CNTN6: variants seen among roughly 807,000 people sequenced by gnomAD.
CNTN6 encodes contactin 6, also known as contactin-6.
Under a neutral mutation model 122.8 loss-of-function variants are expected in CNTN6, and 137 were observed. The observed-to-expected ratio is 1.12, with a 90% CI of 0.97 to 1.29. CNTN6 has a LOEUF of 1.29. CNTN6 is among the 50% of genes most tolerant of loss of function. CNTN6 has a pLI of 0.00. For synonymous variants in CNTN6, 570 were observed against 426.0 expected (o/e 1.34, Z -4.16); for missense variants, 1,634 against 1,223.4 (o/e 1.34, Z -5.01).
chr3:1,141,923 C>T (rs1327168343), intron 1 of CNTN6, among the ~76,000 whole-genome samples: 3 of 152,014 alleles, frequency 2.0e-5, no homozygotes, highest in African/African-American at 4.8e-5. Context: ...AAGAAATTGA[C>T]CCTAGTTCTC....
chr3:1,384,762 T>TAC lies in CNTN6; in HGVS notation c.2518-848_2518-847insCA, dbSNP rs1225576278. 1.2e-3 allele frequency among the ~76,000 whole-genome samples: 111 copies of TAC among 95,478 alleles called. 1 individual carries two copies. Among genetic ancestry groups the TAC allele is most frequent in the African/African-American group, 5.2e-3 (103 of 19,958 alleles). The allele number at this position is 95,478 out of a possible 152,430, so 62.6% of individuals were successfully genotyped here. A position where few individuals can be genotyped will look rare whatever the true frequency, so the allele number is the denominator to read the frequency against. On this transcript the variant is annotated intron_variant, in intron 19 of 22. Coordinates refer to ENST00000446702, the MANE Select transcript of CNTN6 (RefSeq NM_001289080.2). ...ATACATATATACACATATATATACA[T>TAC]ATATATACACATATATATATATATA...
Position 1,385,891 on chromosome 3 carries a change from T to G in CNTN6, c.2704+94T>G, listed in dbSNP as rs1335509866. 7 of 1,207,426 alleles carry G rather than the reference T, an allele frequency of 5.8e-6. No individual in the cohort carries two copies. In the African/African-American group the frequency reaches 1.1e-4, roughly 19 times the overall value. The allele number at this position is 1,207,426 out of a possible 1,614,324, so 74.8% of individuals were successfully genotyped here. On this transcript the variant is annotated intron_variant, in intron 20 of 22. Transcript: ENST00000446702. ...TCATTTCATTCCCACACCTCATTTC[T>G]TTACTAATTGGTTACTTTGGTTAGT... is the stretch of plus-strand genomic sequence containing the variant.
intron 1 of CNTN6, among the ~76,000 whole-genome samples, chr3:1,115,112 G>C (rs899130979): frequency 6.6e-6 from 1 of 152,124 alleles, no homozygotes; most frequent in Non-Finnish European, 1.5e-5. Context: ...GAGTTTATAT[G>C]ATCCTTCTGT....
At chr3:1,201,234 A>G (rs1275681316) in intron 2 of CNTN6, among the ~76,000 whole-genome samples, 1 of 151,622 alleles carries the variant, frequency 6.6e-6, no homozygotes, top group African/African-American at 2.4e-5. Context: ...TGGCCTCCCA[A>G]AGTGCTGGGA....
At chr3:1,273,074 T>C (rs1295466107) in intron 4 of CNTN6, among the ~76,000 whole-genome samples, 4 of 152,166 alleles carry the variant, frequency 2.6e-5, no homozygotes, top group African/African-American at 9.7e-5. Context: ...TTTTTGCTTA[T>C]ACTCCTGCCA....
chr3:1,225,144 G>A, intron 3 of CNTN6, among the ~76,000 whole-genome samples: 1 of 152,064 alleles, frequency 6.6e-6, no homozygotes, highest in East Asian at 1.9e-4. Context: ...TATGTTTTCT[G>A]GAACTAATAT....
chr3:1,303,011 C>T (rs190089333), intron 7 of CNTN6, among the ~76,000 whole-genome samples: 29 of 152,042 alleles, frequency 1.9e-4, no homozygotes, highest in African/African-American at 6.7e-4. Flanking sequence ...CATTTACTTC[C>T]CCCCTTAGCT....
chr3:1,355,056 G>C (rs1424957138), intron 12 of CNTN6, among the ~76,000 whole-genome samples: 1 of 151,478 alleles, frequency 6.6e-6, no homozygotes, highest in Admixed American at 6.6e-5. Context: ...ATGTCACTAT[G>C]CCTGATTATC....
At chr3:1,373,569 C>G (rs752379115) in intron 14 of CNTN6, 35 bp from the exon 15 acceptor site, 24 of 1,595,662 alleles carry the variant, frequency 1.5e-5, no homozygotes, top group Non-Finnish European at 2.0e-5. Flanking sequence ...ATGTAAGTAT[C>G]TCCAATGGAG....
intron 1 of CNTN6, among the ~76,000 whole-genome samples, chr3:1,147,293 A>G (rs1241225871): frequency 6.6e-6 from 1 of 152,126 alleles, no homozygotes; most frequent in Non-Finnish European, 1.5e-5. Context: ...AATAAAGGCA[A>G]TAATAGTGGC....
chr3:1,183,545 C>G (rs2093588299), intron 2 of CNTN6, among the ~76,000 whole-genome samples: 2 of 151,460 alleles, frequency 1.3e-5, no homozygotes, highest in African/African-American at 4.8e-5. Flanking sequence ...TTTTTGTAAT[C>G]CTTGGCATTA....
intron 4 of CNTN6, among the ~76,000 whole-genome samples, chr3:1,237,362 C>A (rs907224145): frequency 6.6e-6 from 1 of 151,774 alleles, no homozygotes; most frequent in Non-Finnish European, 1.5e-5. Context: ...AATAATAATT[C>A]TTAAAAAATG....
intron 5 of CNTN6, among the ~76,000 whole-genome samples, chr3:1,289,006 A>T (rs1021120323): frequency 3.3e-5 from 5 of 152,260 alleles, no homozygotes; most frequent in Admixed American, 6.5e-5. Flanking sequence ...CTCTAATGCT[A>T]CTGCTGACTC....
At chr3:1,099,654 G>T (rs1032174175) in intron 1 of CNTN6, among the ~76,000 whole-genome samples, 2 of 152,066 alleles carry the variant, frequency 1.3e-5, no homozygotes, top group Non-Finnish European at 2.9e-5. Context: ...TCAAGTCCGT[G>T]CTGCATGTCA....
intron 20 of CNTN6, among the ~76,000 whole-genome samples, chr3:1,395,140 A>G (rs1204048383): frequency 1.3e-5 from 2 of 152,218 alleles, no homozygotes; most frequent in African/African-American, 4.8e-5. Context: ...AGAAGAATAT[A>G]CAAGTCTCCA....
At chr3:1,093,725 T>G (rs1027890054) in intron 1 of CNTN6, among the ~76,000 whole-genome samples, 1 of 152,210 alleles carries the variant, frequency 6.6e-6, no homozygotes, top group Non-Finnish European at 1.5e-5. Context: ...CTCTGGAGTT[T>G]CCTTTACCAT....
Position 1,231,177 on chromosome 3 carries a change from A to G in CNTN6, c.358+3184A>G, listed in dbSNP as rs531503707. Among the ~76,000 whole-genome samples the G allele has an allele frequency of 5.3e-5, 8 of 152,320 alleles. No homozygotes were observed. The South Asian group carries it at 1.7e-3, about 32-fold the overall frequency. ...ATCCTTGCCTCAGGCTCTGCTTCTA[A>G]GGAATCCAAAGCGAGACAGAGATTA... On this transcript the variant is annotated intron_variant, in intron 4 of 22. Coordinates refer to ENST00000446702, the MANE Select transcript of CNTN6 (RefSeq NM_001289080.2).
intron 2 of CNTN6, among the ~76,000 whole-genome samples, chr3:1,197,661 T>C (rs1056593647): frequency 6.6e-6 from 1 of 152,154 alleles, no homozygotes; most frequent in Non-Finnish European, 1.5e-5. Flanking sequence ...CACGTAGTGA[T>C]AAGGGGTGAG....
chr3:1,273,339 A>T (rs769923526), intron 4 of CNTN6, among the ~76,000 whole-genome samples: 1 of 152,210 alleles, frequency 6.6e-6, no homozygotes, highest in Non-Finnish European at 1.5e-5. Flanking sequence ...GCAAAAATGG[A>T]TAGGACAAAA....
Sources: allele counts gnomAD v4.1 joint callset (sites outside exome capture counted in the v4.1 genomes callset), GRCh38; gene constraint gnomAD v4.1.1; transcripts MANE v1.5; gene names NCBI Gene and HGNC (gene_info 2026-07-23, HGNC 2026-07-21).